ZEB2: variants seen among roughly 807,000 people sequenced by gnomAD.
ZEB2 encodes zinc finger E-box-binding homeobox 2.
A neutral mutation model predicts 99.9 loss-of-function variants in ZEB2; 6 were observed. That is an observed-to-expected ratio of 0.06 (90% CI 0.03 to 0.12). ZEB2 has a LOEUF of 0.12. Among genes scored for constraint, ZEB2 ranks in the 10% least tolerant of loss-of-function variants. The pLI is 1.00. For missense variants in ZEB2, 969 were observed against 1,502.8 expected (o/e 0.64, Z 5.87); for synonymous variants, 517 against 542.5 (o/e 0.95, Z 0.65).
At chr2:144,463,568 C>G (rs1704225828) in intron 2 of ZEB2, 2 of 152,150 alleles carry the variant, frequency 1.3e-5, no homozygotes, top group African/African-American at 2.4e-5. Context: ...GTGGCTCACA[C>G]TTGTAATCCC....
chr2:144,459,342 G>A (rs1358963797), intron 2 of ZEB2, among the ~76,000 whole-genome samples: 1 of 152,118 alleles, frequency 6.6e-6, no homozygotes. Context: ...AAGGACAGAA[G>A]GAACTACTAA....
intron 4 of ZEB2, among the ~76,000 whole-genome samples, chr2:144,414,691 T>C (rs539153901): frequency 6.6e-6 from 1 of 152,350 alleles, no homozygotes; most frequent in South Asian, 2.1e-4. Flanking sequence ...AAGAGCTGTA[T>C]GTAGGATTTA....
chr2:144,442,153 G>A (rs1278349820), intron 2 of ZEB2, among the ~76,000 whole-genome samples: 1 of 152,086 alleles, frequency 6.6e-6, no homozygotes, highest in Non-Finnish European at 1.5e-5. Context: ...ACCTGAATAT[G>A]GGTATTCATA....
At chr2:144,512,007 A>G (rs1705047448) in intron 2 of ZEB2, 1 of 1,287,238 alleles carries the variant, frequency 7.8e-7, no homozygotes, top group South Asian at 1.2e-5. Flanking sequence ...TTGCTCTGAA[A>G]AGACAACCAA....
intron 4 of ZEB2, among the ~76,000 whole-genome samples, chr2:144,419,778 G>C (rs1327211303): frequency 6.6e-6 from 1 of 151,820 alleles, no homozygotes; most frequent in Non-Finnish European, 1.5e-5. Flanking sequence ...TTACAATTTT[G>C]TTCCTTTTTT....
chr2:144,425,578 A>T (rs1703681583), intron 3 of ZEB2, among the ~76,000 whole-genome samples: 1 of 152,170 alleles, frequency 6.6e-6, no homozygotes, highest in African/African-American at 2.4e-5. Context: ...TGTTCTGATG[A>T]AGGTGAATAT....
At chr2:144,437,010 A>G (rs34613643) in intron 2 of ZEB2, among the ~76,000 whole-genome samples, 9,987 of 152,160 alleles carry the variant, frequency 0.066, 936 homozygotes, top group African/African-American at 0.21. Context: ...AGGACTCATA[A>G]TGGTTTTGAT....
chr2:144,519,077 C>G (rs977018965), intron 1 of ZEB2, among the ~76,000 whole-genome samples: 2 of 152,212 alleles, frequency 1.3e-5, no homozygotes, highest in African/African-American at 4.8e-5. Flanking sequence ...CCTGCTATCT[C>G]TCTCTCGACT....
At chr2:144,424,691 T>A (rs1002445111) in intron 4 of ZEB2, 105 bp downstream of exon 4, 2 of 1,352,446 alleles carry the variant, frequency 1.5e-6, no homozygotes, top group Non-Finnish European at 2.1e-6. Context: ...GACTACTTGT[T>A]AAGTCATGGA....
chr2:144,395,954 TA>T (rs34026047), intron 9 of ZEB2, among the ~76,000 whole-genome samples: 15,602 of 149,096 alleles, frequency 0.1, 964 homozygotes, highest in South Asian at 0.16. Context: ...GTGGCGAATT[TA>T]AAAAAAAAAG....
intron 9 of ZEB2, among the ~76,000 whole-genome samples, chr2:144,395,532 G>C (rs764602546): frequency 6.6e-6 from 1 of 152,002 alleles, no homozygotes; most frequent in Non-Finnish European, 1.5e-5. Flanking sequence ...AGGGCTAATA[G>C]AGCATGCCAA....
intron 3 of ZEB2, chr2:144,429,453 T>C: frequency 2.7e-6 from 1 of 367,286 alleles, no homozygotes; most frequent in South Asian, 2.6e-5. Flanking sequence ...CATGAAAGTA[T>C]AGATCTTGAT....
intron 4 of ZEB2, among the ~76,000 whole-genome samples, chr2:144,418,596 G>A (rs1430972329): frequency 7.2e-5 from 11 of 151,988 alleles, no homozygotes; most frequent in Admixed American, 2.0e-4. Flanking sequence ...GCTGAGGCAG[G>A]AGAATTGCTT....
intron 2 of ZEB2, chr2:144,494,185 C>G (rs1445255550): frequency 3.6e-5 from 5 of 137,854 alleles, no homozygotes; most frequent in Non-Finnish European, 7.9e-5. Flanking sequence ...AATAGATTGT[C>G]AAAAACTCTA....
rs1199880089 is a variant in ZEB2 at position 144,513,377 on chromosome 2, TA to T, written c.73+3900del. On this transcript the variant is annotated intron_variant, in intron 2 of 9. Transcript: ENST00000627532. ...GAAGTTCAGAGACCAAAGGCATTTG[TA>T]AAAAGCTCCCCTTCTCCTTCACACT... 4 of 1,338,808 alleles carry T rather than the reference TA, an allele frequency of 3.0e-6. No individual in the cohort carries two copies. In the Admixed American group the frequency reaches 8.9e-5, roughly 30 times the overall value. 82.9% of individuals were successfully genotyped at this position (1,338,808 alleles called of 1,614,324 possible).
chr2:144,432,110 T>TG (rs1332998230), intron 2 of ZEB2, among the ~76,000 whole-genome samples: 1 of 151,850 alleles, frequency 6.6e-6, no homozygotes, highest in African/African-American at 2.4e-5. Context: ...TATTTTCTTG[T>TG]GGAAAAAAAA....
chr2:144,461,291 C>T (rs1420042513), intron 2 of ZEB2: 2 of 152,122 alleles, frequency 1.3e-5, no homozygotes, highest in Non-Finnish European at 2.9e-5. Flanking sequence ...TCATAAAAAT[C>T]AATAAACAGG....
chr2:144,405,486 T>G (rs1002459263), intron 4 of ZEB2: 1 of 180,428 alleles, frequency 5.5e-6, no homozygotes, highest in Non-Finnish European at 1.2e-5. Context: ...CACAGATACA[T>G]CCTGTTGCTA....
chr2:144,480,944 C>T (rs1573787488), intron 2 of ZEB2, among the ~76,000 whole-genome samples: 1 of 152,030 alleles, frequency 6.6e-6, no homozygotes, highest in African/African-American at 2.4e-5. Flanking sequence ...CAGATAGCTG[C>T]TTTTGAGAAT....
Sources: allele counts gnomAD v4.1 joint callset (sites outside exome capture counted in the v4.1 genomes callset), GRCh38; gene constraint gnomAD v4.1.1; transcripts MANE v1.5; gene names NCBI Gene and HGNC (gene_info 2026-07-23, HGNC 2026-07-21).